The following MYO19 variants were observed in gnomAD, a reference collection of about 807,000 sequenced individuals.
MYO19 encodes the protein myosin XIX.
In MYO19, 132 loss-of-function variants were observed where a neutral mutation model predicts 129.2. The ratio of observed to expected loss-of-function variants is 1.02; its 90% confidence interval spans 0.89 to 1.18. MYO19 has a LOEUF of 1.18. MYO19 is among the 50% of genes most tolerant of loss of function. MYO19 has a pLI of 0.00. For synonymous variants in MYO19, 531 were observed against 477.2 expected (o/e 1.11, Z -1.47); for missense variants, 1,210 against 1,216.7 (o/e 0.99, Z 0.08).
At chr17:36,516,148 T>C (rs1207153149) in intron 6 of MYO19, among the ~76,000 whole-genome samples, 158 bp from the exon 7 acceptor site, 1 of 152,202 alleles carries the variant, frequency 6.6e-6, no homozygotes, top group Non-Finnish European at 1.5e-5. Context: ...GGCAAGGCAC[T>C]TCCTCTACCT....
intron 11 of MYO19, 88 bp from the exon 12 acceptor site, chr17:36,511,543 G>A (rs922603325): frequency 6.9e-6 from 8 of 1,162,998 alleles, no homozygotes; most frequent in Middle Eastern, 2.0e-4. Context: ...GTACAATCAC[G>A]ACAGCAGAAG....
chr17:36,511,395 G>T lies in MYO19; in HGVS notation c.955C>A (p.Gln319Lys). ...GCATCATCCATCGGCTGGCAGGGCT[G>T]GGCTTCATCCTCGGAGGCAGCAAAC... is the stretch of plus-strand genomic sequence containing the variant. ...IQFAASEDEA[Q>K]PCQPMDDAKY... Residue 319 changes from glutamine (Q) to lysine (K), a missense_variant, in exon 12 of 26, where the codon CAG (glutamine) becomes AAG (lysine). Physicochemically the swap from Gln to Lys is moderately conservative, Grantham distance 53 (BLOSUM62 1). Transcript: ENST00000614623. The T allele has an allele frequency of 6.3e-7, 1 of 1,577,362 alleles. No individual in the cohort carries two copies. Among genetic ancestry groups the T allele is most frequent in the Non-Finnish European group, 8.6e-7 (1 of 1,162,020 alleles).
intron 12 of MYO19, 199 bp downstream of exon 12, chr17:36,511,166 C>T: frequency 1.5e-6 from 1 of 673,290 alleles, no homozygotes; most frequent in Non-Finnish European, 2.5e-6. Context: ...GACTCATTTT[C>T]TCATCTTTAA....
At chr17:36,507,751 G>A (rs2072019714) in intron 15 of MYO19, 52 bp downstream of exon 15, 1 of 1,530,312 alleles carries the variant, frequency 6.5e-7, no homozygotes, top group Non-Finnish European at 8.8e-7. Context: ...AGGTCAGGAA[G>A]GGATTGAGGA....
chr17:36,503,695 G>A (rs1474494122), intron 20 of MYO19, among the ~76,000 whole-genome samples: 10 of 152,232 alleles, frequency 6.6e-5, no homozygotes, highest in Admixed American at 6.5e-4. Flanking sequence ...CAGCCCTCCT[G>A]AGTCTGGCTT....
At chr17:36,538,305 A>G (rs2074171424), upstream of MYO19, 1 of 1,613,432 alleles carries the variant, frequency 6.2e-7, no homozygotes, top group African/African-American at 1.3e-5. Context: ...CAAATTTCTA[A>G]TTAAAGGAGC....
intron 25 of MYO19, 52 bp from the exon 26 acceptor site, chr17:36,496,458 G>C (rs2070984397): frequency 6.3e-7 from 1 of 1,589,482 alleles, no homozygotes; most frequent in East Asian, 2.2e-5. Context: ...GGAGTGCCAG[G>C]GCCTAACAAC....
chr17:36,507,456 C>G lies in MYO19; in HGVS notation c.1410G>C (p.Gln470His), dbSNP rs766589805. Residue 470 changes from glutamine to histidine, a missense_variant, in exon 16 of 26, where the codon CAG (glutamine) becomes CAC (histidine). Gln to His is a conservative substitution (Grantham distance 24). Transcript: ENST00000614623. ...TTCCCTCAATGAGATCCAAACAGGG[C>G]TGGTTGTCCTGGTAGTTGATGAATG... Reference protein sequence around the residue: ...EWSFINYQDNQPCLDLIEGSP... With the variant: ...EWSFINYQDNHPCLDLIEGSP... The G allele has an allele frequency of 1.2e-6, 2 of 1,613,760 alleles. No homozygotes were observed. The highest frequency in any genetic ancestry group is 1.7e-6 in the Non-Finnish European group (2 of 1,179,874).
At chr17:36,508,026 C>T (rs1287761628) in intron 14 of MYO19, 102 bp from the exon 15 acceptor site, 2 of 1,291,454 alleles carry the variant, frequency 1.5e-6, no homozygotes, top group African/African-American at 1.5e-5. Flanking sequence ...ATGCCTTATA[C>T]TTGGCAGCCT....
At chr17:36,530,550 G>A (rs1052275651) in intron 3 of MYO19, among the ~76,000 whole-genome samples, 7 of 140,914 alleles carry the variant, frequency 5.0e-5, no homozygotes, top group East Asian at 2.2e-4. Context: ...TCCGCCTCCC[G>A]GGTTCACGCC....
chr17:36,540,752 G>A (rs2074193054), intron 2 of MYO19, among the ~76,000 whole-genome samples: 1 of 152,142 alleles, frequency 6.6e-6, no homozygotes. Flanking sequence ...AGATCCTCAG[G>A]TTTAGGTCAC....
chr17:36,507,589 C>T (rs1351486050), intron 15 of MYO19, 77 bp from the exon 16 acceptor site: 25 of 1,468,802 alleles, frequency 1.7e-5, no homozygotes, highest in African/African-American at 8.3e-5. Context: ...CGGCTGGCCT[C>T]GGTACCACAG....
chr17:36,540,830 T>C (rs1238092452), intron 2 of MYO19, among the ~76,000 whole-genome samples: 4 of 152,166 alleles, frequency 2.6e-5, no homozygotes, highest in African/African-American at 7.2e-5. Context: ...GTTATTATAA[T>C]GAAACAACAA....
chr17:36,499,510 T>G (rs764957518), intron 23 of MYO19, among the ~76,000 whole-genome samples: 7 of 77,574 alleles, frequency 9.0e-5, no homozygotes, highest in East Asian at 8.6e-4. Context: ...AAAACTTTTT[T>G]TTTTGTTTTG....
At chr17:36,532,348 A>C (rs888321025) in intron 3 of MYO19, among the ~76,000 whole-genome samples, 179 bp downstream of exon 3, 4 of 152,214 alleles carry the variant, frequency 2.6e-5, no homozygotes, top group Admixed American at 1.3e-4. Flanking sequence ...AAAAACCACA[A>C]GACAGATTCA....
upstream of MYO19, chr17:36,535,233 C>G (rs967859235): frequency 3.3e-5 from 5 of 151,960 alleles, no homozygotes; most frequent in African/African-American, 1.2e-4. Flanking sequence ...TTGTGCGAGG[C>G]CGGCGGACAC....
rs978048657 is a variant in MYO19, at chr17:36,506,604, G to C, written c.1649C>G (p.Pro550Arg). ...GAGCCTGGTCAGCTCAGGTGGGATA[G>C]GGTCCTATTGGGAAATGGCAAGAGC... The part of the protein sequence containing the change: ...TAGLVEKNKD[P>R]IPPELTRLLQ... The change falls in exon 18 of 26, where the codon CCT becomes CGT. Residue 550 changes from proline to arginine, a missense_variant. Coordinates refer to ENST00000614623, the MANE Select transcript of MYO19 (RefSeq NM_001163735.2). 1.3e-6 allele frequency: 2 copies of C among 1,524,514 alleles called. No homozygotes were observed. Among genetic ancestry groups the C allele is most frequent in the Non-Finnish European group, 1.8e-6 (2 of 1,140,314 alleles). 94.4% of individuals were successfully genotyped at this position (1,524,514 alleles called of 1,614,324 possible).
chr17:36,507,356 A>C (rs762117486), intron 16 of MYO19, 43 bp downstream of exon 16: 15 of 1,582,490 alleles, frequency 9.5e-6, no homozygotes, highest in African/African-American at 4.0e-5. Context: ...CAGAAAACCC[A>C]AAGGCCAACT....
upstream of MYO19, chr17:36,538,847 G>A (rs1251848888): frequency 1.5e-5 from 6 of 410,602 alleles, no homozygotes; most frequent in Non-Finnish European, 2.2e-5. Flanking sequence ...TCCACCTCCC[G>A]GGTTCAAGCA....
Sources: allele counts gnomAD v4.1 joint callset (sites outside exome capture counted in the v4.1 genomes callset), GRCh38; gene constraint gnomAD v4.1.1; transcripts MANE v1.5; gene names NCBI Gene and HGNC (gene_info 2026-07-23, HGNC 2026-07-21).